The following ROCK2 variants were observed in gnomAD, a reference collection of about 807,000 sequenced individuals.
ROCK2 encodes Rho associated coiled-coil containing protein kinase 2.
In ROCK2, 61 loss-of-function variants were observed where a neutral mutation model predicts 195.1. The ratio of observed to expected loss-of-function variants is 0.31; its 90% CI spans 0.25 to 0.39. The LOEUF (loss-of-function observed/expected upper bound fraction) is 0.39, where lower values mean the gene tolerates loss of function less well. Ranked by LOEUF, ROCK2 falls within the 10% of genes least tolerant of loss-of-function variation. The probability of loss-of-function intolerance (pLI) is 1.00; values close to 1 mark genes in which losing one functional copy is unlikely to be tolerated. For synonymous variants in ROCK2, 504 were observed against 545.5 expected (o/e 0.92, Z 1.06); for missense variants, 1,109 against 1,637.4 (o/e 0.68, Z 5.57).
Position 11,344,349 on chromosome 2 carries a change from C to CCGGCA in ROCK2, c.-214_-213insTGCCG. On this transcript the variant is annotated 5_prime_UTR_variant, in exon 1 of 33. Coordinates refer to ENST00000315872, the MANE Select transcript of ROCK2 (RefSeq NM_004850.5). The surrounding 1 kb of genome is among the most constrained non-coding windows in gnomAD (Gnocchi z 5.4). ...CCAGCCCGGCCCAGCCCGGCCCGGCCCTGCCGGGAGCGGCGGGGAACAGAC... is the reference window on the plus strand; with the variant it reads ...CCAGCCCGGCCCAGCCCGGCCCGGCCCGGCACTGCCGGGAGCGGCGGGGAACAGAC... 1 of 1,183,418 alleles carries CCGGCA rather than the reference C, an allele frequency of 8.5e-7. No individual in the cohort carries two copies. The highest frequency in any genetic ancestry group is 1.6e-5 in the African/African-American group (1 of 62,884). The allele number at this position is 1,183,418 out of a possible 1,614,324, so 73.3% of individuals were successfully genotyped here.
intron 1 of ROCK2, among the ~76,000 whole-genome samples, chr2:11,331,297 G>T: frequency 6.6e-6 from 1 of 152,150 alleles, no homozygotes; most frequent in East Asian, 1.9e-4. Flanking sequence ...CATGGCACCT[G>T]TGCCACCTGT....
chr2:11,263,571 GAC>G (rs1324253113), intron 3 of ROCK2, among the ~76,000 whole-genome samples: 1 of 144,874 alleles, frequency 6.9e-6, no homozygotes, highest in African/African-American at 2.5e-5. Context: ...GTACTTGAAA[GAC>G]ACAGTTCCTG....
rs71393855 is a variant in ROCK2 at position 11,181,181 on chromosome 2, A to AATATATAT, written c.*2248_*2255dup. 126 of 136,142 alleles carry AATATATAT rather than the reference A, an allele frequency of 9.3e-4. No individual in the cohort carries two copies. The highest frequency in any genetic ancestry group is 2.7e-3 in the East Asian group (13 of 4,774). The allele number at this position is 136,142 out of a possible 1,614,324, so 8.4% of individuals were successfully genotyped here. A position where few individuals can be genotyped will look rare whatever the true frequency, so the allele number is the denominator to read the frequency against. ...TTTCACCTTAATAAAGTTTATTAAA[A>AATATATAT]ATATATATATATATATATATATATA... On this transcript the variant is annotated 3_prime_UTR_variant, in exon 33 of 33. Transcript: ENST00000315872.
chr2:11,299,154 A>C (rs975587468), intron 1 of ROCK2, among the ~76,000 whole-genome samples: 8 of 151,376 alleles, frequency 5.3e-5, no homozygotes, highest in African/African-American at 1.9e-4. Context: ...CGCACCTGTA[A>C]TCCCAGCTAC....
chr2:11,250,431 T>C (rs1665789421), intron 3 of ROCK2, among the ~76,000 whole-genome samples: 3 of 152,200 alleles, frequency 2.0e-5, no homozygotes, highest in Admixed American at 2.0e-4. Flanking sequence ...GACCACCCTT[T>C]TAATTCCAAG....
At chr2:11,313,547 T>C (rs1421777609) in intron 1 of ROCK2, among the ~76,000 whole-genome samples, 1 of 152,032 alleles carries the variant, frequency 6.6e-6, no homozygotes. Context: ...ATTTGAGGTT[T>C]TATGGTGAAT....
rs780077865 is a variant in ROCK2 at position 11,192,729 on chromosome 2, A to T, written c.3688-17T>A. ...ATACAGAATCTATGAATGCCAAAAG[A>T]ACAATAAGTGATTTCCAAACATGCT... On this transcript the variant is annotated splice_polypyrimidine_tract_variant and intron_variant, in intron 30 of 32. Coordinates refer to ENST00000315872, the MANE Select transcript of ROCK2 (RefSeq NM_004850.5). The surrounding 1 kb of genome is among the most constrained non-coding windows in gnomAD (Gnocchi z 5.0). 1.3e-6 allele frequency: 2 copies of T among 1,595,632 alleles called. No individual in the cohort carries two copies. Among genetic ancestry groups the T allele is most frequent in the Non-Finnish European group, 1.7e-6 (2 of 1,170,902 alleles).
At chr2:11,225,864 T>C (rs1037959955) in intron 6 of ROCK2, among the ~76,000 whole-genome samples, 7 of 152,108 alleles carry the variant, frequency 4.6e-5, no homozygotes, top group Non-Finnish European at 1.0e-4. Flanking sequence ...AAGTAGGTCA[T>C]ACTATGACAT....
At chr2:11,207,996 A>T (rs183797859) in intron 19 of ROCK2, 86 bp from the exon 20 acceptor site, 13 of 1,062,282 alleles carry the variant, frequency 1.2e-5, no homozygotes, top group African/African-American at 8.1e-5. Flanking sequence ...ATGGTGATGT[A>T]AAACAGATTT....
At chr2:11,276,194 G>C (rs1343618872) in intron 3 of ROCK2, among the ~76,000 whole-genome samples, 37 of 152,170 alleles carry the variant, frequency 2.4e-4, no homozygotes, top group Admixed American at 2.4e-3. Flanking sequence ...CATAGCACTG[G>C]AAGTTCTAGC....
chr2:11,233,804 T>C lies in ROCK2; in HGVS notation c.723+1898A>G, dbSNP rs547630992. Reference sequence around the variant, plus strand: ...TATACTAATAATCTGCAAAAACGTATGGTGAACATATACTAGCTATCTATT... The same window carrying C: ...TATACTAATAATCTGCAAAAACGTACGGTGAACATATACTAGCTATCTATT... On this transcript the variant is annotated intron_variant, in intron 5 of 32. Coordinates refer to ENST00000315872, the MANE Select transcript of ROCK2 (RefSeq NM_004850.5). Among the ~76,000 whole-genome samples the C allele has an allele frequency of 2.0e-5, 3 of 152,268 alleles. No homozygotes were observed. In the South Asian group the frequency reaches 6.2e-4, roughly 32 times the overall value.
chr2:11,245,599 GA>G (rs1320024954), intron 4 of ROCK2, among the ~76,000 whole-genome samples: 1 of 151,330 alleles, frequency 6.6e-6, no homozygotes, highest in East Asian at 1.9e-4. Context: ...CTATTGTAAA[GA>G]AAAACTCACA....
intron 7 of ROCK2, 44 bp from the exon 8 acceptor site, chr2:11,222,218 A>T: frequency 8.8e-7 from 1 of 1,140,784 alleles, no homozygotes; most frequent in South Asian, 1.4e-5. Flanking sequence ...AAATTATAAA[A>T]TAAAAAGATT....
intron 6 of ROCK2, 110 bp from the exon 7 acceptor site, chr2:11,224,570 C>G (rs1052172695): frequency 4.3e-6 from 4 of 924,934 alleles, no homozygotes; most frequent in Non-Finnish European, 6.8e-6. Flanking sequence ...CAGGGAAGAA[C>G]AAATATTCTA....
chr2:11,249,856 T>C (rs1665765065), intron 3 of ROCK2, 58 bp from the exon 4 acceptor site: 3 of 1,313,706 alleles, frequency 2.3e-6, no homozygotes, highest in South Asian at 2.4e-5. Context: ...GAAAGGTAAA[T>C]AGATGATACT....
rs1171424349 is a variant in ROCK2 at position 11,214,341 on chromosome 2, A to G, written c.2043+16T>C. On this transcript the variant is annotated intron_variant, in intron 17 of 32. Transcript: ENST00000315872. ...ACTGTCAATTTTCTTATGCAAAAATATAAAACATGTTTTACCTTTTCCAAA... is the reference window on the plus strand; with the variant it reads ...ACTGTCAATTTTCTTATGCAAAAATGTAAAACATGTTTTACCTTTTCCAAA... The G allele has an allele frequency of 7.1e-7, 1 of 1,414,180 alleles. No individual in the cohort carries two copies. 87.6% of individuals were successfully genotyped at this position (1,414,180 alleles called of 1,614,324 possible).
Position 11,215,350 on chromosome 2 carries a change from T to C in ROCK2, c.1660A>G (p.Thr554Ala). 6.2e-7 allele frequency: 1 copy of C among 1,606,436 alleles called. No homozygotes were observed. Residue 554 changes from threonine (T) to alanine (A), a missense_variant, in exon 15 of 33, where the codon ACT becomes GCT. By Grantham distance (58) the Thr-to-Ala change is moderately conservative (BLOSUM62 0). Around this residue, in one of 6 missense-constraint regions of ROCK2, gnomAD observed 542 missense variants for 672.0 expected, o/e 0.81. Transcript: ENST00000315872. The stretch of plus-strand genomic sequence containing the variant: ...CTCTGGAGTTGATTCACTTTCTCAG[T>C]GGATATTTGAGAGTTTTGATTTCTT... ...KKRNQNSQISTEKVNQLQRQL... is the reference protein window; with the variant it reads ...KKRNQNSQISAEKVNQLQRQL...
chr2:11,265,931 CAA>C (rs11286415), intron 3 of ROCK2, among the ~76,000 whole-genome samples: 4,909 of 146,014 alleles, frequency 0.034, 126 homozygotes, highest in African/African-American at 0.073. Flanking sequence ...CTTGTTTCTA[CAA>C]AAAAAAAAAA....
At position 11,202,984 on chromosome 2, in the gene ROCK2, G is replaced by A. The variant is rs1426320645; in HGVS notation, c.2550-863C>T. On this transcript the variant is annotated intron_variant, in intron 20 of 32. Coordinates refer to ENST00000315872, the MANE Select transcript of ROCK2 (RefSeq NM_004850.5). ...GCAGAATGCCTGGGAGGGGGCTTCT[G>A]GGGAGGCGAGAAGTGCTGGCTTTAG... Among the ~76,000 whole-genome samples the A allele has an allele frequency of 2.6e-5, 4 of 152,232 alleles. No homozygotes were observed. In the East Asian group the frequency reaches 7.7e-4, roughly 29 times the overall value.
Sources: gnomAD v4.1 joint callset for allele counts (sites outside exome capture counted in the v4.1 genomes callset) on GRCh38, gnomAD v4.1.1 for gene constraint, gnomAD v4.1.1 regional missense constraint, Gnocchi (gnomAD v3.1) non-coding constraint, MANE v1.5 for transcripts, NCBI Gene and HGNC (gene_info 2026-07-23, HGNC 2026-07-21) for gene names.